Variants in PRKN observed in about 807,000 individuals in gnomAD.
PRKN encodes parkin RBR E3 ubiquitin protein ligase.
PRKN carries 56 observed loss-of-function variants against 59.5 expected under a neutral mutation model. That is an observed-to-expected ratio of 0.94 (90% CI 0.76 to 1.18). The LOEUF (loss-of-function observed/expected upper bound fraction) is 1.18. Ranked by LOEUF, PRKN falls within the 50% of genes most tolerant of loss-of-function variation. PRKN has a pLI of 0.00. For missense variants in PRKN, 657 were observed against 596.4 expected, an observed-to-expected ratio of 1.10 and a Z score of -1.06; for synonymous variants, 250 against 222.1, an observed-to-expected ratio of 1.13 and a Z score of -1.12.
chr6:161,723,094 C>A (rs1053342535), intron 7 of PRKN, among the ~76,000 whole-genome samples: 7 of 152,084 alleles, frequency 4.6e-5, no homozygotes, highest in African/African-American at 1.4e-4. Flanking sequence ...CATAGTGAAA[C>A]CCCATCTCTA....
chr6:162,219,110 G>C (rs1035321182), intron 3 of PRKN, among the ~76,000 whole-genome samples: 1 of 152,122 alleles, frequency 6.6e-6, no homozygotes, highest in African/African-American at 2.4e-5. Flanking sequence ...GAAATCACTT[G>C]AACCCAGTAG....
chr6:161,536,542 T>C (rs1410397912), intron 9 of PRKN, among the ~76,000 whole-genome samples: 1 of 152,166 alleles, frequency 6.6e-6, no homozygotes, highest in African/African-American at 2.4e-5. Flanking sequence ...CATGACCTGA[T>C]AGAAACTTAC....
At chr6:162,684,941 T>G (rs571870801) in intron 1 of PRKN, among the ~76,000 whole-genome samples, 1 of 152,166 alleles carries the variant, frequency 6.6e-6, no homozygotes, top group Non-Finnish European at 1.5e-5. Flanking sequence ...CTTAAAAGTA[T>G]AATTTAAGCC....
At chr6:162,219,430 A>G (rs1449005996) in intron 3 of PRKN, among the ~76,000 whole-genome samples, 1 of 152,196 alleles carries the variant, frequency 6.6e-6, no homozygotes, top group African/African-American at 2.4e-5. Flanking sequence ...TTTCTATATT[A>G]AACTGCATAT....
In PRKN at chr6:161,362,210, A is replaced by G. The variant is rs1785002933; in HGVS notation, c.1168-2005T>C. ...CAATTTCTCCCAGGTCCACACACCT[A>G]AAAATGCTGGATCAAATATGGAAAA... On this transcript the variant is annotated intron_variant, in intron 10 of 11. Transcript: ENST00000366898. The surrounding 1 kb of genome is among the most constrained non-coding windows in gnomAD (Gnocchi z 5.2). 6.6e-6 allele frequency among the ~76,000 whole-genome samples: 1 copy of G among 152,244 alleles called. No individual in the cohort carries two copies. Among genetic ancestry groups the G allele is most frequent in the African/African-American group, 2.4e-5 (1 of 41,468 alleles).
rs1263332103 is a variant in PRKN at position 161,363,542 on chromosome 6, G to T, written c.1168-3337C>A. Among the ~76,000 whole-genome samples the T allele has an allele frequency of 6.6e-6, 1 of 152,176 alleles. No homozygotes were observed. The highest frequency in any genetic ancestry group is 1.5e-5 in the Non-Finnish European group (1 of 68,036). ...AAAAAATATGAAAAGGAGATTAAGAGATGGGGGGATAAGGTGAGAAGGTCC... is the reference window on the plus strand; with the variant it reads ...AAAAAATATGAAAAGGAGATTAAGATATGGGGGGATAAGGTGAGAAGGTCC... On this transcript the variant is annotated intron_variant, in intron 10 of 11. Transcript: ENST00000366898. This position sits in a 1 kb window ranked among gnomAD's most constrained non-coding sequence, Gnocchi z 4.1.
intron 7 of PRKN, among the ~76,000 whole-genome samples, chr6:161,608,018 C>T (rs575923551): frequency 6.6e-6 from 1 of 152,210 alleles, no homozygotes; most frequent in South Asian, 2.1e-4. Context: ...CCAGACAAAC[C>T]ATTGATCTAG....
chr6:161,889,134 T>G (rs1795251912), intron 6 of PRKN, among the ~76,000 whole-genome samples: 4 of 152,204 alleles, frequency 2.6e-5, no homozygotes, highest in African/African-American at 4.8e-5. Flanking sequence ...AAAAGATATA[T>G]TCCAAGGTAA....
intron 7 of PRKN, among the ~76,000 whole-genome samples, chr6:161,622,398 C>T (rs1030109562): frequency 2.6e-5 from 4 of 152,174 alleles, no homozygotes; most frequent in African/African-American, 7.2e-5. Context: ...CAGCGACCTC[C>T]CTGCCCCTCC....
chr6:161,936,510 G>A (rs534834672), intron 6 of PRKN, among the ~76,000 whole-genome samples: 169 of 151,706 alleles, frequency 1.1e-3, no homozygotes, highest in African/African-American at 3.7e-3. Flanking sequence ...TGCCCGGCTG[G>A]TAACAGTTTT....
chr6:161,973,504 G>T, intron 5 of PRKN, 87 bp from the exon 6 acceptor site: 1 of 756,826 alleles, frequency 1.3e-6, no homozygotes, highest in African/African-American at 1.7e-5. Context: ...AATCTCTTTG[G>T]ACAAGAGAAG....
chr6:161,598,699 AT>A (rs1252916219), intron 7 of PRKN, among the ~76,000 whole-genome samples: 1 of 152,244 alleles, frequency 6.6e-6, no homozygotes, highest in Non-Finnish European at 1.5e-5. Context: ...GATACAGGAT[AT>A]TTAACAATAT....
intron 7 of PRKN, among the ~76,000 whole-genome samples, chr6:161,769,651 G>A (rs1789579609): frequency 6.6e-6 from 1 of 152,122 alleles, no homozygotes; most frequent in Non-Finnish European, 1.5e-5. Flanking sequence ...AGGATCTTAG[G>A]GGTGTGTGCT....
intron 6 of PRKN, among the ~76,000 whole-genome samples, chr6:161,947,930 T>A (rs1779842174): frequency 7.3e-6 from 1 of 136,056 alleles, no homozygotes; most frequent in African/African-American, 2.5e-5. Context: ...AGGCTGAGAA[T>A]ATCTATTTTG....
intron 9 of PRKN, among the ~76,000 whole-genome samples, chr6:161,421,154 C>T (rs1414603628): frequency 6.6e-6 from 1 of 152,166 alleles, no homozygotes; most frequent in African/African-American, 2.4e-5. Flanking sequence ...CTTTACCCTC[C>T]AGGCACTCGA....
intron 4 of PRKN, among the ~76,000 whole-genome samples, chr6:162,195,585 C>G (rs187493581): frequency 1.7e-3 from 264 of 152,298 alleles, no homozygotes; most frequent in African/African-American, 6.2e-3. Context: ...ATTTATTGCA[C>G]CATTTCTCAT....
At position 162,484,222 on chromosome 6, in the gene PRKN, T is replaced by G. The variant is rs549025902; in HGVS notation, c.8-40749A>C. ...ATTTGAATCATGTAAATATATTACC[T>G]GTTTTGAAAGGTAAGCAGACTCTAT... On this transcript the variant is annotated intron_variant, in intron 1 of 11. Coordinates refer to ENST00000366898, the MANE Select transcript of PRKN (RefSeq NM_004562.3). Among the ~76,000 whole-genome samples, 3 of 152,302 alleles carry G rather than the reference T, an allele frequency of 2.0e-5. No individual in the cohort carries two copies. In the East Asian group the frequency reaches 5.8e-4, roughly 29 times the overall value.
rs191987315 is a variant in PRKN, at chr6:162,494,059, A to C, written c.8-50586T>G. ...CCATCTATTTCGTCTTTCCTGCCTC[A>C]TTGTGGAGATGCTGCAATGTGCCAC... is the stretch of plus-strand genomic sequence containing the variant. On this transcript the variant is annotated intron_variant, in intron 1 of 11. Coordinates refer to ENST00000366898, the MANE Select transcript of PRKN (RefSeq NM_004562.3). Among the ~76,000 whole-genome samples the C allele has an allele frequency of 9.3e-4, 141 of 152,198 alleles. 1 individual carries two copies. The highest frequency in any genetic ancestry group is 3.4e-3 in the Middle Eastern group (1 of 294).
At chr6:162,398,215 G>C (rs928255159) in intron 2 of PRKN, among the ~76,000 whole-genome samples, 1 of 151,762 alleles carries the variant, frequency 6.6e-6, no homozygotes, top group African/African-American at 2.4e-5. Context: ...CATATAAAAG[G>C]CTTCTAGTAT....
Sources: gnomAD v4.1 joint callset for allele counts (sites outside exome capture counted in the v4.1 genomes callset) on GRCh38, gnomAD v4.1.1 for gene constraint, Gnocchi (gnomAD v3.1) non-coding constraint, MANE v1.5 for transcripts, NCBI Gene and HGNC (gene_info 2026-07-23, HGNC 2026-07-21) for gene names.